Variants in VCP observed in about 807,000 individuals in gnomAD.
The protein encoded by VCP is valosin containing protein.
A neutral mutation model predicts 85.7 loss-of-function variants in VCP; 6 were observed. That is an observed-to-expected ratio of 0.07 (90% CI 0.04 to 0.14). VCP has a LOEUF of 0.14. Among genes scored for constraint, VCP ranks in the 10% least tolerant of loss-of-function variants. The probability of loss-of-function intolerance (pLI) is 1.00; values close to 1 mark genes in which losing one functional copy is unlikely to be tolerated. For synonymous variants in VCP, 384 were observed against 367.1 expected (o/e 1.05, Z -0.53); for missense variants, 353 against 1,043.4 (o/e 0.34, Z 9.12).
Position 35,072,579 on chromosome 9 carries a change from G to C in VCP, c.-226C>G, listed in dbSNP as rs991472044. 9.7e-6 allele frequency: 5 copies of C among 513,134 alleles called. No individual in the cohort carries two copies. Among genetic ancestry groups the C allele is most frequent in the Non-Finnish European group, 1.6e-5 (5 of 305,508 alleles). 31.8% of individuals were successfully genotyped at this position (513,134 alleles called of 1,614,324 possible). ...GGTGGCAGTGGCAGTGGCAGCGGCA[G>C]CGGCAGCGACGACTCAAACGACGGT... is the stretch of plus-strand genomic sequence containing the variant. On this transcript the variant is annotated 5_prime_UTR_variant, in exon 1 of 17. Coordinates refer to ENST00000358901, the MANE Select transcript of VCP (RefSeq NM_007126.5).
In VCP at chr9:35,061,019, A is replaced by C. The variant is rs777223220; in HGVS notation, c.1355T>G (p.Phe452Cys). Reference protein sequence around the residue: ...MNSLAVTMDDFRWALSQSNPS... With the variant: ...MNSLAVTMDDCRWALSQSNPS... ...AGGCACGGGTGTGGTCCTTACCCGG[A>C]AGTCATCCATAGTAACTGCTAGAGA... The change falls in exon 11 of 17, where the codon TTC (phenylalanine) becomes TGC (cysteine). Residue 452 changes from phenylalanine (F) to cysteine (C), a missense_variant. Physicochemically the swap from Phe to Cys is radical, Grantham distance 205. This residue lies in a region of VCP where 22 missense variants were observed against 31.2 expected (regional missense o/e 0.70). Transcript: ENST00000358901. The C allele has an allele frequency of 1.2e-6, 2 of 1,614,132 alleles. No homozygotes were observed. Among genetic ancestry groups the C allele is most frequent in the South Asian group, 2.2e-5 (2 of 91,084 alleles).
rs1828678184 is a variant in VCP at position 35,059,454 on chromosome 9, C to G, written c.2004+39G>C. The G allele has an allele frequency of 1.2e-6, 2 of 1,611,374 alleles. No homozygotes were observed. The highest frequency in any genetic ancestry group is 2.7e-5 in the African/African-American group (2 of 74,866). ...AGAGCACTCCGTACCAGCCTGAGGACTCATGCAAGTCTCCCACAGCCCATG... is the reference window on the plus strand; with the variant it reads ...AGAGCACTCCGTACCAGCCTGAGGAGTCATGCAAGTCTCCCACAGCCCATG... On this transcript the variant is annotated intron_variant, in intron 14 of 16. Coordinates refer to ENST00000358901, the MANE Select transcript of VCP (RefSeq NM_007126.5). This position sits in a 1 kb window ranked among gnomAD's most constrained non-coding sequence, Gnocchi z 4.9.
Position 35,057,412 on chromosome 9 carries a change from T to C in VCP, c.2279A>G (p.Gln760Arg). The part of the protein sequence containing the change: ...NDIRKYEMFA[Q>R]TLQQSRGFGS... Reference sequence around the variant, plus strand: ...AAAGCCCCGACTCTGCTGAAGGGTCTGGGCAAACATCTCATACTTCCGAAT... The same window carrying C: ...AAAGCCCCGACTCTGCTGAAGGGTCCGGGCAAACATCTCATACTTCCGAAT... The change falls in exon 16 of 17, where the codon CAG becomes CGG. Residue 760 changes from glutamine to arginine, a missense_variant. Gln to Arg is a conservative substitution (Grantham distance 43). This residue lies in a region of VCP where 93 missense variants were observed against 197.1 expected (regional missense o/e 0.47). Transcript: ENST00000358901. The C allele has an allele frequency of 6.2e-7, 1 of 1,614,288 alleles. No homozygotes were observed. The highest frequency in any genetic ancestry group is 8.5e-7 in the Non-Finnish European group (1 of 1,180,050).
rs1356177782 is a variant in VCP at position 35,056,982 on chromosome 9, C to G, written c.*135G>C. ...CAGAAACCCCCTGTCCAGAGTCAGACTGTAGCTGAACTGTTCAGACTGGAG... is the reference window on the plus strand; with the variant it reads ...CAGAAACCCCCTGTCCAGAGTCAGAGTGTAGCTGAACTGTTCAGACTGGAG... On this transcript the variant is annotated 3_prime_UTR_variant, in exon 17 of 17. Transcript: ENST00000358901. 4 of 862,964 alleles carry G rather than the reference C, an allele frequency of 4.6e-6. No individual in the cohort carries two copies. Among genetic ancestry groups the G allele is most frequent in the Non-Finnish European group, 7.7e-6 (4 of 517,402 alleles). 53.5% of individuals were successfully genotyped at this position (862,964 alleles called of 1,614,324 possible). A position where few individuals can be genotyped will look rare whatever the true frequency, so the allele number is the denominator to read the frequency against.
chr9:35,059,908 G>A lies in VCP; in HGVS notation c.1696-107C>T. The stretch of plus-strand genomic sequence containing the variant: ...AGCACTTTGGGAGGCCAAGGTGGGA[G>A]GATCACTTGAGGCCAGAAATCCGAA... On this transcript the variant is annotated intron_variant, in intron 13 of 16. Coordinates refer to ENST00000358901, the MANE Select transcript of VCP (RefSeq NM_007126.5). The surrounding 1 kb of genome is among the most constrained non-coding windows in gnomAD (Gnocchi z 4.9). 6.9e-7 allele frequency: 1 copy of A among 1,446,656 alleles called. No homozygotes were observed. Among genetic ancestry groups the A allele is most frequent in the South Asian group, 1.2e-5 (1 of 85,330 alleles). 89.6% of individuals were successfully genotyped at this position (1,446,656 alleles called of 1,614,324 possible).
chr9:35,063,675 C>T (rs575777814), intron 6 of VCP, among the ~76,000 whole-genome samples: 129 of 152,348 alleles, frequency 8.5e-4, no homozygotes, highest in Middle Eastern at 3.4e-3. Flanking sequence ...CAGTGTGTTC[C>T]ATGGAAACAC....
At position 35,063,016 on chromosome 9, in the gene VCP, A is replaced by G. The variant is rs1309095254; in HGVS notation, c.773T>C (p.Val258Ala). The change falls in exon 7 of 17, where the codon GTA (valine) becomes GCA (alanine). Residue 258 changes from valine (V) to alanine (A), a missense_variant. Coordinates refer to ENST00000358901, the MANE Select transcript of VCP (RefSeq NM_007126.5). ...GTGKTLIARA[V>A]ANETGAFFFL... is the part of the protein sequence containing the mutation. ...GAAGAAGGCTCCAGTCTCATTTGCT[A>G]CAGCTCGAGCAATCAGGGTCTTTCC... is the stretch of plus-strand genomic sequence containing the variant. 2 of 1,613,972 alleles carry G rather than the reference A, an allele frequency of 1.2e-6. No individual in the cohort carries two copies. The highest frequency in any genetic ancestry group is 1.7e-6 in the Non-Finnish European group (2 of 1,180,012).
intron 10 of VCP, among the ~76,000 whole-genome samples, 179 bp downstream of exon 10, chr9:35,061,398 C>A (rs1158042686): frequency 6.6e-6 from 1 of 152,192 alleles, no homozygotes; most frequent in African/African-American, 2.4e-5. Flanking sequence ...ACTCTAAATG[C>A]AGCGTCAACT....
chr9:35,060,663 G>C, intron 12 of VCP, 138 bp from the exon 13 acceptor site: 3 of 1,546,400 alleles, frequency 1.9e-6, no homozygotes, highest in Non-Finnish European at 2.7e-6. Flanking sequence ...AGACTCCTTA[G>C]TGCCTCAAAC....
At chr9:35,071,995 G>A in intron 1 of VCP, 1 of 1,119,576 alleles carries the variant, frequency 8.9e-7, no homozygotes, top group Non-Finnish European at 1.1e-6. Flanking sequence ...CAAAGCCCCG[G>A]GGCGCCGCGC....
chr9:35,071,334 C>T (rs1205646180), intron 1 of VCP, among the ~76,000 whole-genome samples: 1 of 104,096 alleles, frequency 9.6e-6, no homozygotes, highest in Non-Finnish European at 1.7e-5. Context: ...CCTCTAAAAG[C>T]TCTCTATTCT....
chr9:35,062,170 A>T, intron 8 of VCP, 32 bp from the exon 9 acceptor site: 1 of 1,614,144 alleles, frequency 6.2e-7, no homozygotes, highest in Non-Finnish European at 8.5e-7. Flanking sequence ...TCAGAAGTGA[A>T]GTCAGGGCCT....
intron 2 of VCP, 42 bp downstream of exon 2, chr9:35,068,209 G>C: frequency 1.2e-6 from 2 of 1,607,486 alleles, no homozygotes. Context: ...AATCCCTCAA[G>C]TAAGTGCAGT....
chr9:35,063,168 C>G, intron 6 of VCP, 88 bp from the exon 7 acceptor site: 2 of 1,159,592 alleles, frequency 1.7e-6, no homozygotes, highest in South Asian at 2.4e-5. Context: ...GGGTGAGAAT[C>G]AGGCTTCAAC....
In VCP at chr9:35,059,290, C is replaced by A; in HGVS notation, c.2005-71G>T. On this transcript the variant is annotated intron_variant, in intron 14 of 16. Transcript: ENST00000358901. This position sits in a 1 kb window ranked among gnomAD's most constrained non-coding sequence, Gnocchi z 4.9. ...GAGATACGCAGATCTTTGGGCTACC[C>A]GAGCACTCCCAACTACAGTTTGCCC... 6.2e-7 allele frequency: 1 copy of A among 1,600,180 alleles called. No homozygotes were observed. The highest frequency in any genetic ancestry group is 1.1e-5 in the South Asian group (1 of 89,458).
In VCP at chr9:35,066,622, C is replaced by T. The variant is rs763931139; in HGVS notation, c.445+53G>A. 2.3e-5 allele frequency: 36 copies of T among 1,598,576 alleles called. No homozygotes were observed. The South Asian group carries it at 3.0e-4, about 13-fold the overall frequency. On this transcript the variant is annotated intron_variant, in intron 4 of 16. Coordinates refer to ENST00000358901, the MANE Select transcript of VCP (RefSeq NM_007126.5). ...AAAAAGAAAATGAGATAAAGATGTT[C>T]CAAGGTTTATTCCCTACAGTCAATA...
Position 35,060,936 on chromosome 9 carries a change from G to C in VCP, c.1360-13C>G, listed in dbSNP as rs1251377815. 1 of 1,614,168 alleles carries C rather than the reference G, an allele frequency of 6.2e-7. No individual in the cohort carries two copies. The highest frequency in any genetic ancestry group is 8.5e-7 in the Non-Finnish European group (1 of 1,180,032). Reference sequence around the variant, plus strand: ...GGCTCAAGGCCCACTAGAAAAGGAGGGAAAACTGGGGATGAGACTTATCAA... The same window carrying C: ...GGCTCAAGGCCCACTAGAAAAGGAGCGAAAACTGGGGATGAGACTTATCAA... On this transcript the variant is annotated splice_polypyrimidine_tract_variant and intron_variant, in intron 11 of 16. Coordinates refer to ENST00000358901, the MANE Select transcript of VCP (RefSeq NM_007126.5).
rs2131024891 is a variant in VCP, at chr9:35,056,338, C to T, written c.*779G>A. On this transcript the variant is annotated 3_prime_UTR_variant, in exon 17 of 17. Coordinates refer to ENST00000358901, the MANE Select transcript of VCP (RefSeq NM_007126.5). ...ATAGGTGGAGGGATGCCATATTCTC[C>T]ACATTTGGAGCTCTGTCAGGCTGCT... is the stretch of plus-strand genomic sequence containing the variant. The T allele has an allele frequency of 6.5e-6, 1 of 152,718 alleles. No homozygotes were observed. 9.5% of individuals were successfully genotyped at this position (152,718 alleles called of 1,614,324 possible).
In VCP at chr9:35,057,069, G is replaced by A; in HGVS notation, c.*48C>T. The A allele has an allele frequency of 6.2e-7, 1 of 1,603,246 alleles. No individual in the cohort carries two copies. Among genetic ancestry groups the A allele is most frequent in the South Asian group, 1.1e-5 (1 of 90,708 alleles). On this transcript the variant is annotated 3_prime_UTR_variant, in exon 17 of 17. Coordinates refer to ENST00000358901, the MANE Select transcript of VCP (RefSeq NM_007126.5). ...CCTGGGCAAGCGCCCCCACCCCCAG[G>A]GAACAAGGTCCAGGCAGGCCAGCTC...
Sources: gnomAD v4.1 joint callset for allele counts (sites outside exome capture counted in the v4.1 genomes callset) on GRCh38, gnomAD v4.1.1 for gene constraint, gnomAD v4.1.1 regional missense constraint, Gnocchi (gnomAD v3.1) non-coding constraint, MANE v1.5 for transcripts, NCBI Gene and HGNC (gene_info 2026-07-23, HGNC 2026-07-21) for gene names.